Variants in PDE4D observed in about 807,000 individuals in gnomAD.
PDE4D encodes phosphodiesterase 4D, also known as 3',5'-cyclic-AMP phosphodiesterase 4D.
PDE4D carries 24 observed loss-of-function variants against 87.4 expected under a neutral mutation model. The observed-to-expected ratio is 0.27, with a 90% CI of 0.20 to 0.39. The LOEUF (loss-of-function observed/expected upper bound fraction) is 0.39, where lower values mean the gene tolerates loss of function less well. PDE4D is among the 10% of genes least tolerant of loss of function. The pLI, the probability that PDE4D is intolerant of heterozygous loss-of-function variation, is 1.00. For synonymous variants in PDE4D, 384 were observed against 383.2 expected (o/e 1.00, Z -0.02); for missense variants, 714 against 1,041.0 (o/e 0.69, Z 4.32).
At chr5:59,024,638 T>C (rs796646319) in intron 6 of PDE4D, among the ~76,000 whole-genome samples, 3 of 152,284 alleles carry the variant, frequency 2.0e-5, no homozygotes, top group African/African-American at 7.2e-5. Flanking sequence ...TAACACTAGA[T>C]AGAAAAATTA....
At chr5:59,616,529 T>C (rs889620367) in intron 1 of PDE4D, among the ~76,000 whole-genome samples, 9 of 151,994 alleles carry the variant, frequency 5.9e-5, no homozygotes, top group African/African-American at 2.2e-4. Flanking sequence ...TCATATTAAG[T>C]TTAAGAATAG....
intron 1 of PDE4D, among the ~76,000 whole-genome samples, chr5:59,507,679 A>AAAAAAGAAAAGAAAAG (rs61334148): frequency 1.3e-3 from 149 of 118,702 alleles, no homozygotes; most frequent in African/African-American, 4.8e-3. Context: ...AAAAAAAAAA[A>AAAAAAGAAAAGAAAAG]AAAAGAAAAG....
intron 2 of PDE4D, among the ~76,000 whole-genome samples, chr5:59,197,191 AG>A (rs1005208464): frequency 6.6e-5 from 10 of 152,208 alleles, no homozygotes; most frequent in African/African-American, 2.4e-4. Flanking sequence ...AAAACTCAAA[AG>A]GGTTGCATAT....
chr5:59,060,395 C>T (rs1005371551), intron 5 of PDE4D, among the ~76,000 whole-genome samples: 4 of 152,072 alleles, frequency 2.6e-5, no homozygotes, highest in African/African-American at 7.2e-5. Context: ...TCTCAACTAA[C>T]GCAAACACCA....
chr5:59,856,701 T>G (rs1310353771), intron 1 of PDE4D, among the ~76,000 whole-genome samples: 2 of 152,130 alleles, frequency 1.3e-5, no homozygotes, highest in Non-Finnish European at 2.9e-5. Context: ...AAGTAAATCA[T>G]GGGGAAGCAA....
At chr5:59,013,002 A>G (rs1561302231) in intron 6 of PDE4D, among the ~76,000 whole-genome samples, 1 of 152,242 alleles carries the variant, frequency 6.6e-6, no homozygotes, top group Non-Finnish European at 1.5e-5. Context: ...AACTCATTCA[A>G]AACCACTCAA....
At chr5:59,716,245 G>A (rs1246344894) in intron 1 of PDE4D, among the ~76,000 whole-genome samples, 1 of 152,218 alleles carries the variant, frequency 6.6e-6, no homozygotes, top group East Asian at 1.9e-4. Flanking sequence ...GCTTGGCTTG[G>A]AGCCACTATT....
At chr5:60,213,486 G>C (rs779904409) in intron 1 of PDE4D, among the ~76,000 whole-genome samples, 3 of 152,108 alleles carry the variant, frequency 2.0e-5, no homozygotes, top group African/African-American at 4.8e-5. Flanking sequence ...GAGACCAGTC[G>C]GATGGTCTTG....
intron 1 of PDE4D, among the ~76,000 whole-genome samples, chr5:59,718,422 A>G (rs1376816818): frequency 1.3e-5 from 2 of 152,176 alleles, no homozygotes; most frequent in Admixed American, 6.5e-5. Flanking sequence ...AACACTCTAA[A>G]TAGGAAAATC....
chr5:59,386,235 A>G (rs1392880471), intron 1 of PDE4D, among the ~76,000 whole-genome samples: 1 of 152,212 alleles, frequency 6.6e-6, no homozygotes, highest in Non-Finnish European at 1.5e-5. Flanking sequence ...TATTAAAAGT[A>G]GAAAAGGTAT....
At chr5:60,314,280 T>C (rs919354751) in intron 1 of PDE4D, among the ~76,000 whole-genome samples, 1 of 151,716 alleles carries the variant, frequency 6.6e-6, no homozygotes, top group African/African-American at 2.4e-5. Flanking sequence ...AATTCTCCTG[T>C]CTCAGCCTCC....
At chr5:59,966,710 C>T (rs1349683661) in intron 3 of PDE4D, among the ~76,000 whole-genome samples, 1 of 152,090 alleles carries the variant, frequency 6.6e-6, no homozygotes, top group Non-Finnish European at 1.5e-5. Flanking sequence ...TAGCATTGTA[C>T]AAAGTCAATT....
intron 1 of PDE4D, chr5:59,356,725 T>C (rs1781436452): frequency 1.9e-6 from 3 of 1,553,156 alleles, no homozygotes; most frequent in Admixed American, 2.0e-5. Context: ...AGTTAAACAA[T>C]TCTTCCTAGC....
chr5:59,598,610 G>A (rs1392598200), intron 1 of PDE4D, among the ~76,000 whole-genome samples: 1 of 152,062 alleles, frequency 6.6e-6, no homozygotes, highest in Non-Finnish European at 1.5e-5. Context: ...AATATTTTTT[G>A]CTCTGGGAGG....
At chr5:59,976,564 G>C (rs28583371) in intron 3 of PDE4D, among the ~76,000 whole-genome samples, 67,903 of 151,718 alleles carry the variant, frequency 0.45, 15,599 homozygotes, top group East Asian at 0.86. Flanking sequence ...GCAGATGCTG[G>C]TGCCTTGCCC....
intron 1 of PDE4D, chr5:60,460,064 A>T: frequency 6.3e-7 from 1 of 1,592,000 alleles, no homozygotes. Context: ...GTGACCTCTC[A>T]TAACTCATCA....
At chr5:59,988,716 G>T (rs771474841) in exon 3 of PDE4D, 3 of 1,545,144 alleles carry the variant, frequency 1.9e-6, no homozygotes, top group Non-Finnish European at 2.6e-6. Context: ...TTCCTCAGAG[G>T]CCTGAGGTAA....
intron 2 of PDE4D, among the ~76,000 whole-genome samples, chr5:60,007,515 G>A (rs1391205064): frequency 3.3e-5 from 5 of 151,856 alleles, no homozygotes; most frequent in African/African-American, 4.8e-5. Flanking sequence ...ATAATTTCCT[G>A]TCCATACCAT....
chr5:59,889,043 A>G (rs921790418), intron 1 of PDE4D, among the ~76,000 whole-genome samples: 1 of 151,740 alleles, frequency 6.6e-6, no homozygotes, highest in Non-Finnish European at 1.5e-5. Context: ...CTTGGCCAAC[A>G]TGGTGAAGCT....
Sources: allele counts gnomAD v4.1 joint callset (sites outside exome capture counted in the v4.1 genomes callset), GRCh38; gene constraint gnomAD v4.1.1; transcripts MANE v1.5; gene names NCBI Gene and HGNC (gene_info 2026-07-23, HGNC 2026-07-21).